ADGRV1: variants seen among roughly 807,000 people sequenced by gnomAD.
ADGRV1 encodes adhesion G protein-coupled receptor V1.
A neutral mutation model predicts 596.2 loss-of-function variants in ADGRV1; 359 were observed. That is an observed-to-expected ratio of 0.60 (90% CI 0.55 to 0.66). ADGRV1 has a LOEUF of 0.66. Ranked by LOEUF, ADGRV1 falls within the 30% of genes least tolerant of loss-of-function variation. The pLI, the probability that ADGRV1 is intolerant of heterozygous loss-of-function variation, is 0.00. For synonymous variants in ADGRV1, 2,681 were observed against 2,679.2 expected (o/e 1.00, Z -0.02); for missense variants, 7,274 against 7,575.6 (o/e 0.96, Z 1.48).
At chr5:90,874,980 C>T (rs1189939225) in intron 83 of ADGRV1, among the ~76,000 whole-genome samples, 1 of 152,172 alleles carries the variant, frequency 6.6e-6, no homozygotes, top group African/African-American at 2.4e-5. Context: ...ACCATTTTCT[C>T]ATGAAAATAA....
chr5:90,622,540 C>A, intron 4 of ADGRV1, 57 bp from the exon 5 acceptor site: 1 of 678,504 alleles, frequency 1.5e-6, no homozygotes, highest in Non-Finnish European at 2.2e-6. Flanking sequence ...TAGTTTTTAC[C>A]GCCTCATACC....
At chr5:90,769,726 C>A (rs1172383099) in intron 59 of ADGRV1, among the ~76,000 whole-genome samples, 2 of 151,936 alleles carry the variant, frequency 1.3e-5, no homozygotes, top group African/African-American at 4.8e-5. Flanking sequence ...GCTTTTGTTT[C>A]TTCATAGTTG....
chr5:90,893,575 T>C (rs28437109), intron 83 of ADGRV1, among the ~76,000 whole-genome samples: 41,828 of 152,124 alleles, frequency 0.27, 6,072 homozygotes, highest in Non-Finnish European at 0.32. Flanking sequence ...CCATAAAATC[T>C]ATTTTAGCAG....
chr5:90,588,005 AC>A (rs1759001472), intron 1 of ADGRV1, among the ~76,000 whole-genome samples: 1 of 152,222 alleles, frequency 6.6e-6, no homozygotes. Flanking sequence ...TGATATTACC[AC>A]TGAGAATATT....
At chr5:90,839,204 T>TTTTTGTTTTTTG (rs1363836364) in intron 77 of ADGRV1, among the ~76,000 whole-genome samples, 1 of 151,964 alleles carries the variant, frequency 6.6e-6, no homozygotes, top group African/African-American at 2.4e-5. Context: ...CTGTTTTTTG[T>TTTTTGTTTTTTG]TTTTGTTTTT....
At chr5:90,814,367 C>T (rs1762711190) in intron 74 of ADGRV1, among the ~76,000 whole-genome samples, 1 of 152,142 alleles carries the variant, frequency 6.6e-6, no homozygotes, top group Admixed American at 6.5e-5. Flanking sequence ...AACCTACTCC[C>T]TAATTTCAGA....
In ADGRV1 at chr5:90,684,046, C is replaced by T; in HGVS notation, c.6125C>T (p.Pro2042Leu). Residue 2042 changes from proline (P) to leucine (L), a missense_variant, in exon 28 of 90, where the codon CCA becomes CTA. Around this residue, in one of 5 missense-constraint regions of ADGRV1, gnomAD observed 3,643 missense variants for 3,809.2 expected, o/e 0.96. Coordinates refer to ENST00000405460, the MANE Select transcript of ADGRV1 (RefSeq NM_032119.4). ...GCAACTCAAGGAAGAGACTATATACCAGCTTCTGGATTTGCTCTTTTTGGA... is the reference window on the plus strand; with the variant it reads ...GCAACTCAAGGAAGAGACTATATACTAGCTTCTGGATTTGCTCTTTTTGGA... ...ARATQGRDYI[P>L]ASGFALFGAN... 1.2e-6 allele frequency: 2 copies of T among 1,613,828 alleles called. No individual in the cohort carries two copies. Among genetic ancestry groups the T allele is most frequent in the Admixed American group, 1.7e-5 (1 of 59,990 alleles).
intron 1 of ADGRV1, among the ~76,000 whole-genome samples, chr5:90,581,755 G>A (rs1452913142): frequency 6.6e-6 from 1 of 152,160 alleles, no homozygotes; most frequent in Non-Finnish European, 1.5e-5. Context: ...ATGCCGTGCT[G>A]GGTGAACCAC....
intron 29 of ADGRV1, 76 bp downstream of exon 29, chr5:90,686,071 A>G: frequency 1.2e-6 from 1 of 847,788 alleles, no homozygotes; most frequent in Non-Finnish European, 1.6e-6. Context: ...TGATTAACAC[A>G]GCCTCTCAAA....
chr5:90,614,744 T>G (rs878892140), intron 1 of ADGRV1, 91 bp from the exon 2 acceptor site: 2 of 973,834 alleles, frequency 2.1e-6, no homozygotes, highest in South Asian at 1.4e-5. Context: ...TGTCTAACTC[T>G]TCATACTATG....
At chr5:91,074,947 A>T (rs1008847961) in intron 86 of ADGRV1, among the ~76,000 whole-genome samples, 3 of 152,068 alleles carry the variant, frequency 2.0e-5, no homozygotes, top group Non-Finnish European at 2.9e-5. Flanking sequence ...GGGCATTTTC[A>T]TATGCTTGTT....
At chr5:90,925,575 A>C (rs1195823022) in intron 83 of ADGRV1, among the ~76,000 whole-genome samples, 1 of 152,026 alleles carries the variant, frequency 6.6e-6, no homozygotes, top group African/African-American at 2.4e-5. Flanking sequence ...TGTCGTCTGC[A>C]AACAGGGACA....
intron 85 of ADGRV1, among the ~76,000 whole-genome samples, chr5:91,034,821 T>C (rs529918857): frequency 3.9e-5 from 6 of 152,328 alleles, no homozygotes; most frequent in South Asian, 2.1e-4. Flanking sequence ...CCCCCTGTTA[T>C]GTTGCCAAGG....
chr5:90,852,909 T>TG (rs1254458689), intron 79 of ADGRV1, among the ~76,000 whole-genome samples: 1 of 152,080 alleles, frequency 6.6e-6, no homozygotes, highest in African/African-American at 2.4e-5. Context: ...TTTAGCTCAG[T>TG]GGGGGGACAT....
At chr5:90,617,419 C>T (rs1177135759) in intron 2 of ADGRV1, 4 of 159,956 alleles carry the variant, frequency 2.5e-5, no homozygotes, top group Non-Finnish European at 4.1e-5. Flanking sequence ...AAGCAATTCT[C>T]CTGCCTCAGC....
At chr5:90,997,375 CTCT>C (rs1581745106) in intron 85 of ADGRV1, among the ~76,000 whole-genome samples, 1 of 94,224 alleles carries the variant, frequency 1.1e-5, no homozygotes, top group East Asian at 4.9e-4. Context: ...CCCCTTTGCT[CTCT>C]CTTTTTCCTG....
intron 85 of ADGRV1, among the ~76,000 whole-genome samples, chr5:91,042,427 C>G (rs1265151863): frequency 6.6e-6 from 1 of 152,184 alleles, no homozygotes; most frequent in Non-Finnish European, 1.5e-5. Flanking sequence ...CTTGGATGTT[C>G]AAACAAATGT....
At chr5:91,067,841 C>A (rs1018117997) in intron 85 of ADGRV1, among the ~76,000 whole-genome samples, 2 of 152,104 alleles carry the variant, frequency 1.3e-5, no homozygotes, top group Admixed American at 1.3e-4. Flanking sequence ...AATAAGTGAC[C>A]ATTTGAAGCC....
chr5:90,901,133 T>G (rs1278654486), intron 83 of ADGRV1, among the ~76,000 whole-genome samples: 1 of 152,154 alleles, frequency 6.6e-6, no homozygotes, highest in Non-Finnish European at 1.5e-5. Flanking sequence ...TTTCCTCAGA[T>G]CAGAGACTCT....
Sources: allele counts gnomAD v4.1 joint callset (sites outside exome capture counted in the v4.1 genomes callset), GRCh38; gene constraint gnomAD v4.1.1; regional missense constraint gnomAD v4.1.1; transcripts MANE v1.5; gene names NCBI Gene and HGNC (gene_info 2026-07-23, HGNC 2026-07-21).